Variants in PARD3 observed in about 807,000 individuals in gnomAD.
The protein encoded by PARD3 is partitioning defective 3 homolog.
A neutral mutation model predicts 155.4 loss-of-function variants in PARD3; 75 were observed. The observed-to-expected ratio is 0.48, with a 90% CI of 0.40 to 0.58. PARD3 has a LOEUF of 0.58. Among genes scored for constraint, PARD3 ranks in the 20% least tolerant of loss-of-function variants. The probability of loss-of-function intolerance (pLI) is 0.00; values close to 1 mark genes in which losing one functional copy is unlikely to be tolerated. For missense variants in PARD3, 1,642 were observed against 1,721.7 expected (o/e 0.95, Z 0.82); for synonymous variants, 576 against 610.5 (o/e 0.94, Z 0.83).
At chr10:34,291,326 C>T (rs780382695) in intron 20 of PARD3, among the ~76,000 whole-genome samples, 2 of 152,144 alleles carry the variant, frequency 1.3e-5, no homozygotes, top group Non-Finnish European at 2.9e-5. Flanking sequence ...CAGCTTGTAG[C>T]TAGTTTAAAA....
chr10:34,630,617 A>AT (rs2132816939), intron 2 of PARD3, among the ~76,000 whole-genome samples: 1 of 151,606 alleles, frequency 6.6e-6, no homozygotes, highest in African/African-American at 2.4e-5. Context: ...TGCCTGGCTA[A>AT]TTTTTGTATT....
chr10:34,119,502 C>T (rs1159466700), intron 24 of PARD3, 111 bp downstream of exon 24: 1 of 1,126,714 alleles, frequency 8.9e-7, no homozygotes, highest in Non-Finnish European at 1.2e-6. Context: ...TCTGTTGCTA[C>T]CAGGGGCAAG....
chr10:34,517,353 A>C (rs915695097), intron 2 of PARD3, among the ~76,000 whole-genome samples, 194 bp from the exon 3 acceptor site: 4 of 152,242 alleles, frequency 2.6e-5, no homozygotes, highest in African/African-American at 9.6e-5. Context: ...TATAATTCTA[A>C]GTCGTACATT....
intron 1 of PARD3, among the ~76,000 whole-genome samples, chr10:34,806,909 A>G (rs1436402087): frequency 6.6e-6 from 1 of 152,228 alleles, no homozygotes; most frequent in African/African-American, 2.4e-5. Flanking sequence ...GAATATGAGA[A>G]CATGGGGAAA....
rs2091717803 is a variant in PARD3, at chr10:34,622,142, A to T, written c.222+74176T>A. Among the ~76,000 whole-genome samples the T allele has an allele frequency of 2.0e-5, 3 of 152,230 alleles. No homozygotes were observed. The South Asian group carries it at 6.2e-4, about 32-fold the overall frequency. ...CCTTGTTAAAGAATAGAATTCCTTA[A>T]ACAGGGCAATATTACACATCTATTA... On this transcript the variant is annotated intron_variant, in intron 2 of 24. Transcript: ENST00000374788.
chr10:34,285,510 G>A lies in PARD3; in HGVS notation c.3066-1265C>T, dbSNP rs543818381. Among the ~76,000 whole-genome samples, 9 of 151,992 alleles carry A rather than the reference G, an allele frequency of 5.9e-5. No homozygotes were observed. The East Asian group carries it at 1.4e-3, about 23-fold the overall frequency. On this transcript the variant is annotated intron_variant, in intron 20 of 24. Transcript: ENST00000374788. The stretch of plus-strand genomic sequence containing the variant: ...AAGGATGGCTTGAGCCTGGGAGTTC[G>A]AAGCTGTGTGAACTGTGATTGCGCC...
rs149809567 is a variant in PARD3, at chr10:34,203,996, T to C, written c.3419+65661A>G. ...TGATTAAAACTCAGTGGCAGCTAGA[T>C]TGTAGTTATAATTTTCATAAGTCAG... On this transcript the variant is annotated intron_variant, in intron 22 of 24. Transcript: ENST00000374788. Among the ~76,000 whole-genome samples the C allele has an allele frequency of 5.7e-3, 875 of 152,288 alleles. 4 individuals are homozygous for C. The highest frequency in any genetic ancestry group is 7.4e-3 in the Non-Finnish European group (504 of 68,018).
intron 15 of PARD3, chr10:34,344,666 T>C: frequency 2.0e-6 from 2 of 985,392 alleles, no homozygotes; most frequent in Non-Finnish European, 2.4e-6. Flanking sequence ...GAATCCTATG[T>C]AGGCAGCCCC....
chr10:34,776,811 A>T (rs1400205674), intron 1 of PARD3, among the ~76,000 whole-genome samples: 1 of 112,322 alleles, frequency 8.9e-6, no homozygotes, highest in African/African-American at 3.5e-5. Flanking sequence ...ACTATTTCCA[A>T]GTATTTTCAG....
intron 22 of PARD3, among the ~76,000 whole-genome samples, chr10:34,237,668 T>G (rs564876204): frequency 5.9e-5 from 9 of 152,354 alleles, no homozygotes; most frequent in Non-Finnish European, 1.0e-4. Flanking sequence ...TCTGAAATTT[T>G]GATTTACTCA....
intron 22 of PARD3, among the ~76,000 whole-genome samples, chr10:34,215,389 T>C (rs756906976): frequency 1.3e-5 from 2 of 152,190 alleles, no homozygotes; most frequent in Non-Finnish European, 2.9e-5. Flanking sequence ...TAAATATGTA[T>C]TGAAAAATAC....
chr10:34,427,897 T>C (rs1001979419), intron 5 of PARD3, among the ~76,000 whole-genome samples: 14 of 152,066 alleles, frequency 9.2e-5, no homozygotes, highest in African/African-American at 2.7e-4. Flanking sequence ...GGCAACTACA[T>C]AGCACAGACA....
chr10:34,788,877 C>A (rs1255728397), intron 1 of PARD3, among the ~76,000 whole-genome samples: 1 of 152,172 alleles, frequency 6.6e-6, no homozygotes, highest in Non-Finnish European at 1.5e-5. Context: ...GCAGAGAGCA[C>A]TCTCCCATGC....
At chr10:34,392,308 C>T (rs1176042667) in intron 7 of PARD3, among the ~76,000 whole-genome samples, 4 of 151,894 alleles carry the variant, frequency 2.6e-5, no homozygotes, top group Non-Finnish European at 5.9e-5. Flanking sequence ...AACTTTAACA[C>T]AGAAATTGAA....
intron 2 of PARD3, among the ~76,000 whole-genome samples, chr10:34,520,093 C>T (rs192024858): frequency 7.9e-5 from 12 of 152,124 alleles, no homozygotes; most frequent in Admixed American, 7.2e-4. Flanking sequence ...AACAGAAACG[C>T]GAATGTACAG....
intron 3 of PARD3, among the ~76,000 whole-genome samples, chr10:34,497,922 C>T (rs534474394): frequency 6.6e-6 from 1 of 152,212 alleles, no homozygotes; most frequent in Middle Eastern, 3.4e-3. Context: ...ATTTTACCCA[C>T]ACATACTTAG....
chr10:34,524,882 C>T (rs760320210), intron 2 of PARD3, among the ~76,000 whole-genome samples: 2 of 152,062 alleles, frequency 1.3e-5, no homozygotes, highest in Non-Finnish European at 2.9e-5. Context: ...GTAAGACTGG[C>T]AAATGGGCAA....
intron 3 of PARD3, among the ~76,000 whole-genome samples, chr10:34,479,052 T>C (rs1208488138): frequency 6.6e-6 from 1 of 152,200 alleles, no homozygotes; most frequent in African/African-American, 2.4e-5. Flanking sequence ...AATGTTAATA[T>C]TGTGGTTGTG....
intron 22 of PARD3, among the ~76,000 whole-genome samples, chr10:34,137,433 C>T (rs547097928): frequency 6.6e-6 from 1 of 152,310 alleles, no homozygotes; most frequent in East Asian, 1.9e-4. Context: ...CTTGATTGCA[C>T]CCCGAGGGAG....
Sources: allele counts gnomAD v4.1 joint callset (sites outside exome capture counted in the v4.1 genomes callset), GRCh38; gene constraint gnomAD v4.1.1; transcripts MANE v1.5; gene names NCBI Gene and HGNC (gene_info 2026-07-23, HGNC 2026-07-21).